The following SLC6A16 variants were observed in gnomAD, a reference collection of about 807,000 sequenced individuals.
The protein encoded by SLC6A16 is solute carrier family 6 member 16.
SLC6A16 carries 54 observed loss-of-function variants against 65.4 expected under a neutral mutation model. The observed-to-expected ratio is 0.83, with a 90% CI of 0.66 to 1.04. SLC6A16 has a LOEUF of 1.04. Ranked by LOEUF, SLC6A16 falls within the 50% of genes least tolerant of loss-of-function variation. The pLI, the probability that SLC6A16 is intolerant of heterozygous loss-of-function variation, is 0.00. For missense variants in SLC6A16, 816 were observed against 914.0 expected, an observed-to-expected ratio of 0.89 and a Z score of 1.38; for synonymous variants, 330 against 346.5, an observed-to-expected ratio of 0.95 and a Z score of 0.53.
intron 1 of SLC6A16, among the ~76,000 whole-genome samples, chr19:49,318,722 A>T (rs76163701): frequency 0.061 from 9,263 of 152,166 alleles, 907 homozygotes; most frequent in African/African-American, 0.21. Flanking sequence ...AGACAGATAG[A>T]TATTTTCTCT....
Position 49,317,923 on chromosome 19 carries a change from G to T in SLC6A16, c.-64-6512C>A, listed in dbSNP as rs182187414. ...AAACAAGGTAACTAATTGCACGATT[G>T]CCCCATTTTTCTGCTAATTTCCAAA... is the stretch of plus-strand genomic sequence containing the variant. On this transcript the variant is annotated intron_variant, in intron 1 of 11. Transcript: ENST00000335875. Among the ~76,000 whole-genome samples the T allele has an allele frequency of 1.4e-4, 21 of 152,280 alleles. No homozygotes were observed. The East Asian group carries it at 4.1e-3, about 29-fold the overall frequency.
chr19:49,293,501 ACATGTGTAATC>A, intron 9 of SLC6A16, 119 bp from the exon 10 acceptor site: 1 of 936,698 alleles, frequency 1.1e-6, no homozygotes, highest in Admixed American at 2.4e-5. Flanking sequence ...GAGGGGGCTT[ACATGTGTAATC>A]CAAGCATTTT....
At chr19:49,329,553 T>C, upstream of SLC6A16, among the ~76,000 whole-genome samples, 1 of 148,036 alleles carries the variant, frequency 6.8e-6, no homozygotes, top group East Asian at 2.0e-4. Context: ...AAGGGCGAGG[T>C]GGGAGGATTG....
chr19:49,329,162 A>G (rs555903908), upstream of SLC6A16, among the ~76,000 whole-genome samples: 2 of 151,140 alleles, frequency 1.3e-5, no homozygotes, highest in Non-Finnish European at 3.0e-5. Flanking sequence ...GTGCGATCTC[A>G]GCTCACCACA....
At chr19:49,338,312 C>T in the SLC6A16 span, 6 of 812,872 alleles carry the variant, frequency 7.4e-6, no homozygotes, top group Non-Finnish European at 1.1e-5. The surrounding 1 kb of genome is among the most constrained non-coding windows in gnomAD (Gnocchi z 5.0). Context: ...TCCCAAGACC[C>T]TAGCGAGACA....
chr19:49,310,641 T>C (rs988076229), intron 2 of SLC6A16, 131 bp from the exon 3 acceptor site: 2 of 962,284 alleles, frequency 2.1e-6, no homozygotes, highest in East Asian at 2.5e-5. Context: ...CTCACCCATG[T>C]CTACATCCCT....
rs199810151 is a variant in SLC6A16, at chr19:49,294,512, A to G, written c.1271T>C (p.Leu424Pro). Residue 424 changes from leucine (L) to proline (P), a missense_variant, in exon 8 of 12, where the codon CTG becomes CCG. Leu to Pro is a moderately conservative substitution (Grantham distance 98). Coordinates refer to ENST00000335875, the MANE Select transcript of SLC6A16 (RefSeq NM_014037.3). ...ILLKLINLGK[L>P]PPDAKPPVNL... is the part of the protein sequence containing the mutation. ...GACAGGGGGCTTGGCATCAGGAGGC[A>G]GTTTCCCTAGGTTTATCAGCTTTAA... 340 of 1,613,656 alleles carry G rather than the reference A, an allele frequency of 2.1e-4. No homozygotes were observed. The highest frequency in any genetic ancestry group is 2.6e-4 in the Non-Finnish European group (310 of 1,179,886).
At chr19:49,309,454 G>A (rs754377269) in intron 5 of SLC6A16, 43 bp from the exon 6 acceptor site, 28 of 1,480,532 alleles carry the variant, frequency 1.9e-5, no homozygotes, top group Non-Finnish European at 2.6e-5. Flanking sequence ...GTACCAGTAG[G>A]GGTCAACCAA....
intron 6 of SLC6A16, 50 bp from the exon 7 acceptor site, chr19:49,309,167 G>A (rs1408279608): frequency 6.2e-7 from 1 of 1,606,996 alleles, no homozygotes; most frequent in Non-Finnish European, 8.5e-7. Flanking sequence ...AGAAGCAGAG[G>A]ACAACTATAA....
upstream of SLC6A16, among the ~76,000 whole-genome samples, chr19:49,326,637 C>A (rs982082129): frequency 6.6e-5 from 10 of 152,164 alleles, no homozygotes; most frequent in African/African-American, 2.4e-4. Flanking sequence ...ACAAAACAGA[C>A]CCCATTCCTG....
chr19:49,320,853 G>C (rs763685556), intron 1 of SLC6A16, among the ~76,000 whole-genome samples: 38 of 152,150 alleles, frequency 2.5e-4, no homozygotes, highest in Non-Finnish European at 4.3e-4. Flanking sequence ...AACTAGTAAG[G>C]AGATTGAATT....
At chr19:49,303,548 G>A (rs1392721603) in intron 7 of SLC6A16, among the ~76,000 whole-genome samples, 19 of 151,944 alleles carry the variant, frequency 1.3e-4, no homozygotes, top group Non-Finnish European at 1.9e-4. Flanking sequence ...CCAGCTACTT[G>A]GGAGGCTGAG....
the SLC6A16 span, chr19:49,339,654 G>A: frequency 3.5e-6 from 5 of 1,428,344 alleles, no homozygotes; most frequent in South Asian, 1.5e-5. The surrounding 1 kb of genome is among the most constrained non-coding windows in gnomAD (Gnocchi z 4.5). Flanking sequence ...CCCTTTCTCC[G>A]CAGATGACTG....
chr19:49,310,909 AG>A (rs780571776), intron 2 of SLC6A16, 23 bp downstream of exon 2: 17 of 1,565,324 alleles, frequency 1.1e-5, no homozygotes, highest in Non-Finnish European at 1.5e-5. Context: ...TTGTGGACCC[AG>A]GTTTCCTGGT....
Position 49,310,026 on chromosome 19 carries a change from C to T in SLC6A16, c.700+14G>A, listed in dbSNP as rs776246268. On this transcript the variant is annotated intron_variant, in intron 4 of 11. Transcript: ENST00000335875. Reference sequence around the variant, plus strand: ...CCATTTTTCCCTTCTCCTCTTCTTTCACTTCCTCCTCACCAAAGCCACTAG... The same window carrying T: ...CCATTTTTCCCTTCTCCTCTTCTTTTACTTCCTCCTCACCAAAGCCACTAG... The T allele has an allele frequency of 3.1e-6, 5 of 1,612,908 alleles. No homozygotes were observed. In the African/African-American group the frequency reaches 6.7e-5, roughly 22 times the overall value.
At chr19:49,312,526 C>T in intron 1 of SLC6A16, 2 of 982,852 alleles carry the variant, frequency 2.0e-6, no homozygotes, top group Non-Finnish European at 2.4e-6. Context: ...ACATCTAGGG[C>T]TATTCTCCTC....
rs1054759315 is a variant in SLC6A16, at chr19:49,294,007, C to A, written c.1438G>T (p.Ala480Ser). ...FLKASEGPKF[A>S]FLSFVEAMSF... ...ATGGCTTCAACAAAGGACAGGAATG[C>A]AAACTTTGGGCCCTCGCTAGCCTGC... is the stretch of plus-strand genomic sequence containing the variant. Residue 480 changes from alanine to serine, a missense_variant, in exon 9 of 12, where the codon GCA becomes TCA. Transcript: ENST00000335875. The A allele has an allele frequency of 6.2e-7, 1 of 1,612,298 alleles. No individual in the cohort carries two copies. Among genetic ancestry groups the A allele is most frequent in the Non-Finnish European group, 8.5e-7 (1 of 1,180,010 alleles).
intron 7 of SLC6A16, among the ~76,000 whole-genome samples, chr19:49,303,312 T>C (rs1970321934): frequency 6.6e-6 from 1 of 152,100 alleles, no homozygotes; most frequent in African/African-American, 2.4e-5. Flanking sequence ...TAAGATGATA[T>C]ATTCAAAGTG....
intron 7 of SLC6A16, among the ~76,000 whole-genome samples, chr19:49,295,967 A>G (rs1970177594): frequency 6.6e-6 from 1 of 152,184 alleles, no homozygotes; most frequent in African/African-American, 2.4e-5. Context: ...AATCCCAATT[A>G]ACACCATAGC....
Sources: allele counts gnomAD v4.1 joint callset (sites outside exome capture counted in the v4.1 genomes callset), GRCh38; gene constraint gnomAD v4.1.1; non-coding constraint Gnocchi (gnomAD v3.1); transcripts MANE v1.5; gene names NCBI Gene and HGNC (gene_info 2026-07-23, HGNC 2026-07-21).